The following KAT6B variants were observed in gnomAD, a reference collection of about 807,000 sequenced individuals.
The protein encoded by KAT6B is histone acetyltransferase KAT6B.
A neutral mutation model predicts 187.5 loss-of-function variants in KAT6B; 10 were observed. That is an observed-to-expected ratio of 0.05 (90% CI 0.03 to 0.09). KAT6B has a LOEUF of 0.09. KAT6B is among the 10% of genes least tolerant of loss of function. The pLI is 1.00. For missense variants in KAT6B, 1,952 were observed against 2,558.9 expected (o/e 0.76, Z 5.12); for synonymous variants, 861 against 926.8 (o/e 0.93, Z 1.29).
chr10:74,834,815 T>C (rs761804275), intron 1 of KAT6B, among the ~76,000 whole-genome samples: 30 of 152,244 alleles, frequency 2.0e-4, no homozygotes, highest in Non-Finnish European at 3.1e-4. Context: ...CCATTGTGCC[T>C]GGCCCAACTT....
chr10:74,909,416 T>C (rs186127048), intron 3 of KAT6B, among the ~76,000 whole-genome samples: 362 of 152,322 alleles, frequency 2.4e-3, no homozygotes, highest in Middle Eastern at 6.8e-3. Context: ...TTTTCCCTTA[T>C]ATCTATTTTA....
At chr10:74,987,405 C>T (rs764880851) in intron 12 of KAT6B, among the ~76,000 whole-genome samples, 27 of 152,060 alleles carry the variant, frequency 1.8e-4, no homozygotes, top group Non-Finnish European at 3.2e-4. Flanking sequence ...TGCACTCCAG[C>T]CTGGCAACAG....
rs749138365 is a variant in KAT6B, at chr10:75,029,008, T to A, written c.4184T>A (p.Ile1395Asn). The A allele has an allele frequency of 1.9e-6, 3 of 1,612,216 alleles. No homozygotes were observed. In the South Asian group the frequency reaches 3.3e-5, roughly 18 times the overall value. The change falls in exon 18 of 18, where the codon ATC becomes AAC. Residue 1395 changes from isoleucine (I) to asparagine (N), a missense_variant. Around this residue, in one of 9 missense-constraint regions of KAT6B, gnomAD observed 758 missense variants for 891.4 expected, o/e 0.85. Transcript: ENST00000287239. This position sits in a 1 kb window ranked among gnomAD's most constrained non-coding sequence, Gnocchi z 6.2. ...AGCCAAGAAAAAGAGGAACCAGAAA[T>A]CTCCACGGAAAAAGAAGACTCTGCA... Reference protein sequence around the residue: ...AKSQEKEEPEISTEKEDSARL... With the variant: ...AKSQEKEEPENSTEKEDSARL...
intron 3 of KAT6B, among the ~76,000 whole-genome samples, chr10:74,855,080 A>C (rs937542809): frequency 6.6e-6 from 1 of 152,176 alleles, no homozygotes; most frequent in Admixed American, 6.5e-5. Flanking sequence ...AAAAGGTACT[A>C]TTGCAGGAGA....
chr10:74,864,531 T>C (rs1589501981), intron 3 of KAT6B, among the ~76,000 whole-genome samples: 2 of 152,182 alleles, frequency 1.3e-5, no homozygotes, highest in East Asian at 3.9e-4. Flanking sequence ...TCCACTTTTT[T>C]CCCCTCAGGT....
chr10:74,927,556 A>C (rs1365942722), intron 3 of KAT6B, among the ~76,000 whole-genome samples: 2 of 150,524 alleles, frequency 1.3e-5, no homozygotes, highest in Non-Finnish European at 2.9e-5. Context: ...TCAGAATCTC[A>C]GCAAGTAGTG....
chr10:75,022,196 T>C lies in KAT6B; in HGVS notation c.3337T>C (p.Leu1113=), dbSNP rs751986009. ...EENIQSSPPR[L]TKPQSVAIKR... ...AAATATTCAAAGCTCTCCCCCAAGA[T>C]TGACGAAACCACAGTCAGTTGCCAT... The change falls in exon 16 of 18, where the codon TTG becomes CTG. Residue 1113 remains leucine, a synonymous_variant. Transcript: ENST00000287239. 191 of 1,613,292 alleles carry C rather than the reference T, an allele frequency of 1.2e-4. No individual in the cohort carries two copies. The highest frequency in any genetic ancestry group is 1.6e-4 in the South Asian group (15 of 91,070).
In KAT6B at chr10:74,997,042, G is replaced by A. The variant is rs938603646; in HGVS notation, c.2629+7930G>A. On this transcript the variant is annotated intron_variant, in intron 13 of 17. Transcript: ENST00000287239. Reference sequence around the variant, plus strand: ...TATATATATACTTTTAAGTTTGGTAGCATTAAAACAAAAACCCTAATAGAG... The same window carrying A: ...TATATATATACTTTTAAGTTTGGTAACATTAAAACAAAAACCCTAATAGAG... Among the ~76,000 whole-genome samples, 9 of 152,070 alleles carry A rather than the reference G, an allele frequency of 5.9e-5. No homozygotes were observed. The Middle Eastern group carries it at 0.01, about 174-fold the overall frequency.
At chr10:74,881,494 T>C (rs887661770) in intron 3 of KAT6B, among the ~76,000 whole-genome samples, 4 of 152,192 alleles carry the variant, frequency 2.6e-5, no homozygotes, top group African/African-American at 7.2e-5. Flanking sequence ...AAACACCCCA[T>C]GCCTTCTGTG....
intron 13 of KAT6B, among the ~76,000 whole-genome samples, chr10:75,003,990 C>T (rs1844031898): frequency 6.6e-6 from 1 of 151,392 alleles, no homozygotes; most frequent in South Asian, 2.1e-4. Flanking sequence ...CTCATTTTTT[C>T]TGAAAGCTAG....
chr10:74,902,582 A>AT (rs540515655), intron 3 of KAT6B, among the ~76,000 whole-genome samples: 4 of 152,056 alleles, frequency 2.6e-5, no homozygotes, highest in African/African-American at 4.8e-5. Flanking sequence ...ATTTCCTCTG[A>AT]TTTTTTTTGC....
At chr10:74,848,984 C>T (rs1436618370) in intron 3 of KAT6B, among the ~76,000 whole-genome samples, 1 of 151,994 alleles carries the variant, frequency 6.6e-6, no homozygotes, top group Non-Finnish European at 1.5e-5. Context: ...ATCTAGTCAA[C>T]TAATGCCTTT....
At position 74,877,048 on chromosome 10, in the gene KAT6B, C is replaced by T. The variant is rs192659030; in HGVS notation, c.621+33570C>T. On this transcript the variant is annotated intron_variant, in intron 3 of 17. Coordinates refer to ENST00000287239, the MANE Select transcript of KAT6B (RefSeq NM_012330.4). ...ATGGTGCAATCTCGGCTCACTGCAACCTCTACCTGCCGGTTCAAGCGATTC... is the reference window on the plus strand; with the variant it reads ...ATGGTGCAATCTCGGCTCACTGCAATCTCTACCTGCCGGTTCAAGCGATTC... 6.0e-3 allele frequency among the ~76,000 whole-genome samples: 906 copies of T among 151,904 alleles called. 4 individuals are homozygous for T. The highest frequency in any genetic ancestry group is 0.017 in the Middle Eastern group (5 of 294).
intron 3 of KAT6B, among the ~76,000 whole-genome samples, chr10:74,853,379 T>C (rs995359051): frequency 2.0e-5 from 3 of 150,924 alleles, no homozygotes; most frequent in African/African-American, 7.3e-5. Context: ...GCCTTGACCT[T>C]CCCAGGCTCA....
intron 3 of KAT6B, among the ~76,000 whole-genome samples, chr10:74,855,107 G>A (rs1479554672): frequency 6.6e-6 from 1 of 152,232 alleles, no homozygotes; most frequent in Non-Finnish European, 1.5e-5. Context: ...TGAGATATCA[G>A]CGACTCTTCC....
intron 7 of KAT6B, among the ~76,000 whole-genome samples, chr10:74,973,960 T>C (rs1842004000): frequency 6.6e-6 from 1 of 152,232 alleles, no homozygotes; most frequent in Non-Finnish European, 1.5e-5. Context: ...CCTAACTTTT[T>C]GTTTGTCCAA....
intron 3 of KAT6B, among the ~76,000 whole-genome samples, chr10:74,873,038 G>T (rs1313124778): frequency 6.6e-6 from 1 of 152,122 alleles, no homozygotes; most frequent in Non-Finnish European, 1.5e-5. Context: ...AATGATCATG[G>T]TCTTTACAAC....
chr10:74,853,036 G>A (rs988876691), intron 3 of KAT6B, among the ~76,000 whole-genome samples: 23 of 149,606 alleles, frequency 1.5e-4, no homozygotes, highest in African/African-American at 5.4e-4. Context: ...ACAAATGTAC[G>A]TTTTAATGTT....
At position 74,959,896 on chromosome 10, in the gene KAT6B, A is replaced by G. The variant is rs989624782; in HGVS notation, c.622-74A>G. ...AAGAAGCTTTAAGTGAAAAATGTAA[A>G]AAGCTTTTGATTTTAATGTTTTTAC... On this transcript the variant is annotated intron_variant, in intron 3 of 17. Coordinates refer to ENST00000287239, the MANE Select transcript of KAT6B (RefSeq NM_012330.4). 12 of 1,031,872 alleles carry G rather than the reference A, an allele frequency of 1.2e-5. No homozygotes were observed. In the African/African-American group the frequency reaches 1.9e-4, roughly 16 times the overall value. 63.9% of individuals were successfully genotyped at this position (1,031,872 alleles called of 1,614,324 possible). A position where few individuals can be genotyped will look rare whatever the true frequency, so the allele number is the denominator to read the frequency against.
Sources: gnomAD v4.1 joint callset for allele counts (sites outside exome capture counted in the v4.1 genomes callset) on GRCh38, gnomAD v4.1.1 for gene constraint, gnomAD v4.1.1 regional missense constraint, Gnocchi (gnomAD v3.1) non-coding constraint, MANE v1.5 for transcripts, NCBI Gene and HGNC (gene_info 2026-07-23, HGNC 2026-07-21) for gene names.